The following OPN3 variants were observed in gnomAD, a reference collection of about 807,000 sequenced individuals.
The protein encoded by OPN3 is opsin 3, also known as opsin-3.
A neutral mutation model predicts 33.8 loss-of-function variants in OPN3; 29 were observed. The ratio of observed to expected loss-of-function variants is 0.86; its 90% confidence interval spans 0.64 to 1.17. OPN3 has a LOEUF of 1.17. Ranked by LOEUF, OPN3 falls within the 50% of genes most tolerant of loss-of-function variation. OPN3 has a pLI of 0.00. For missense variants in OPN3, 437 were observed against 514.1 expected (o/e 0.85, Z 1.45); for synonymous variants, 216 against 216.1 (o/e 1.00, Z 0.00).
intron 1 of OPN3, among the ~76,000 whole-genome samples, chr1:241,636,753 G>C (rs1664914407): frequency 6.6e-6 from 1 of 152,022 alleles, no homozygotes; most frequent in Non-Finnish European, 1.5e-5. Context: ...GTGTGTAAGT[G>C]TAAGTAAAAA....
intron 1 of OPN3, chr1:241,633,551 ACT>A (rs1431788786): frequency 2.0e-5 from 10 of 497,138 alleles, no homozygotes; most frequent in African/African-American, 8.0e-5. Flanking sequence ...AATAAAGCTA[ACT>A]CTGTTTTAAG....
intron 1 of OPN3, among the ~76,000 whole-genome samples, chr1:241,626,757 T>C (rs1020451443): frequency 1.3e-5 from 2 of 152,196 alleles, no homozygotes; most frequent in African/African-American, 4.8e-5. Flanking sequence ...CTGGGTAATA[T>C]TTACTTTTAT....
At chr1:241,617,521 T>C (rs1166585060) in intron 1 of OPN3, among the ~76,000 whole-genome samples, 1 of 152,188 alleles carries the variant, frequency 6.6e-6, no homozygotes, top group Non-Finnish European at 1.5e-5. Context: ...TCATTTATAA[T>C]TTACAAAGCT....
chr1:241,633,693 T>C (rs1260955621), intron 1 of OPN3: 72 of 1,211,518 alleles, frequency 5.9e-5, no homozygotes, highest in Non-Finnish European at 7.8e-5. Flanking sequence ...GCATTCATCA[T>C]ATATAACCAC....
At chr1:241,636,281 A>G (rs1664893396) in intron 1 of OPN3, among the ~76,000 whole-genome samples, 1 of 152,238 alleles carries the variant, frequency 6.6e-6, no homozygotes, top group Non-Finnish European at 1.5e-5. Context: ...ATCAGGCAAC[A>G]TAGTAATAGA....
chr1:241,615,246 C>A (rs1172883800), intron 1 of OPN3, among the ~76,000 whole-genome samples: 10 of 145,596 alleles, frequency 6.9e-5, no homozygotes, highest in African/African-American at 2.5e-4. Context: ...AAGCACTTAA[C>A]AGGAACTGAG....
In OPN3 at chr1:241,635,268, G is replaced by A. The variant is rs143212135; in HGVS notation, c.373+4614C>T. On this transcript the variant is annotated intron_variant, in intron 1 of 3. Transcript: ENST00000366554. ...GATTCCTCTACATCAGTTACTTCTA[G>A]TGAAATCTCTGTATCACTTTTCTGA... The A allele has an allele frequency of 4.0e-5, 65 of 1,613,770 alleles. No individual in the cohort carries two copies. In the East Asian group the frequency reaches 1.4e-3, roughly 34 times the overall value.
rs137989013 is a variant in OPN3 at position 241,640,068 on chromosome 1, G to T, written c.187C>A (p.Leu63Ile). Reference protein sequence around the residue: ...LLGVGNNLLVLVLYYKFQRLR... With the variant: ...LLGVGNNLLVIVLYYKFQRLR... ...CGCTGGAACTTGTAGTAGAGGACGA[G>T]CACCAGCAGGTTGTTGCCGACGCCC... Residue 63 changes from leucine (L) to isoleucine (I), a missense_variant, in exon 1 of 4, where the codon CTC becomes ATC. Physicochemically the swap from Leu to Ile is conservative, Grantham distance 5. Coordinates refer to ENST00000366554, the MANE Select transcript of OPN3 (RefSeq NM_014322.3). 2 of 1,611,384 alleles carry T rather than the reference G, an allele frequency of 1.2e-6. No homozygotes were observed. The highest frequency in any genetic ancestry group is 2.7e-5 in the African/African-American group (2 of 74,522).
chr1:241,636,544 C>T (rs1664904909), intron 1 of OPN3, among the ~76,000 whole-genome samples: 1 of 152,148 alleles, frequency 6.6e-6, no homozygotes, highest in Admixed American at 6.5e-5. Flanking sequence ...CCTTTCCATG[C>T]CACAACCACC....
chr1:241,620,368 T>C (rs1664244021), intron 1 of OPN3, among the ~76,000 whole-genome samples: 1 of 152,218 alleles, frequency 6.6e-6, no homozygotes, highest in Non-Finnish European at 1.5e-5. Flanking sequence ...ATGCATGTGC[T>C]GAAACCCTAA....
intron 1 of OPN3, among the ~76,000 whole-genome samples, chr1:241,612,910 T>C (rs117413007): frequency 0.019 from 2,941 of 152,144 alleles, 39 homozygotes; most frequent in South Asian, 0.035. Flanking sequence ...AACCCAGATC[T>C]CCTCAGGGAG....
intron 1 of OPN3, chr1:241,629,964 A>G (rs1318515533): frequency 6.6e-6 from 1 of 152,100 alleles, no homozygotes; most frequent in Non-Finnish European, 1.5e-5. Context: ...TTGCTTTCCT[A>G]AATAATTTAT....
At chr1:241,598,574 T>C (rs1663599147) in intron 2 of OPN3, among the ~76,000 whole-genome samples, 1 of 152,176 alleles carries the variant, frequency 6.6e-6, no homozygotes, top group African/African-American at 2.4e-5. Flanking sequence ...ATTGGCTTCA[T>C]TAGGGGATCA....
intron 1 of OPN3, among the ~76,000 whole-genome samples, chr1:241,606,375 C>A (rs1663829873): frequency 6.6e-6 from 1 of 151,952 alleles, no homozygotes; most frequent in South Asian, 2.1e-4. Flanking sequence ...GAAACCCTGT[C>A]TCTACTAAAA....
At chr1:241,637,834 A>G (rs374269643) in intron 1 of OPN3, among the ~76,000 whole-genome samples, 4 of 152,290 alleles carry the variant, frequency 2.6e-5, no homozygotes, top group East Asian at 1.9e-4. Flanking sequence ...CATCAGACCA[A>G]TGGTCTTTCC....
intron 1 of OPN3, chr1:241,634,712 G>A (rs1277487456): frequency 1.9e-6 from 3 of 1,613,892 alleles, no homozygotes; most frequent in African/African-American, 1.3e-5. Context: ...ATCTATTGTA[G>A]TGCAAGATGA....
In OPN3 at chr1:241,640,204, C is replaced by G. The variant is rs1573971431; in HGVS notation, c.51G>C (p.Gly17=). Residue 17 remains glycine, a synonymous_variant, in exon 1 of 4, where the codon GGG becomes GGC. Coordinates refer to ENST00000366554, the MANE Select transcript of OPN3 (RefSeq NM_014322.3). ...GCGCCGGCCCCTCAGCGCCCGCGGCCCCGCCGCCGTCCCAGTAGCCGTGGC... is the reference window on the plus strand; with the variant it reads ...GCGCCGGCCCCTCAGCGCCCGCGGCGCCGCCGCCGTCCCAGTAGCCGTGGC... ...SGGHGYWDGG[G]AAGAEGPAPA... is the part of the protein sequence containing the mutation. 1 of 1,363,616 alleles carries G rather than the reference C, an allele frequency of 7.3e-7. No homozygotes were observed. The highest frequency in any genetic ancestry group is 1.5e-5 in the African/African-American group (1 of 65,060). The allele number at this position is 1,363,616 out of a possible 1,614,324, so 84.5% of individuals were successfully genotyped here.
chr1:241,594,826 G>A, intron 3 of OPN3, 135 bp from the exon 4 acceptor site: 2 of 915,846 alleles, frequency 2.2e-6, no homozygotes, highest in Non-Finnish European at 3.3e-6. Context: ...GGGTTATGTG[G>A]TCATGCTCAG....
chr1:241,632,901 C>A (rs899344201), intron 1 of OPN3: 2 of 152,058 alleles, frequency 1.3e-5, no homozygotes, highest in Non-Finnish European at 2.9e-5. Context: ...CCTAAGAATT[C>A]CTCCTTAGGA....
Sources: allele counts gnomAD v4.1 joint callset (sites outside exome capture counted in the v4.1 genomes callset), GRCh38; gene constraint gnomAD v4.1.1; transcripts MANE v1.5; gene names NCBI Gene and HGNC (gene_info 2026-07-23, HGNC 2026-07-21).